Variants in GRM7 observed in about 807,000 individuals in gnomAD.
GRM7 encodes glutamate metabotropic receptor 7, also known as metabotropic glutamate receptor 7.
GRM7 carries 35 observed loss-of-function variants against 84.5 expected under a neutral mutation model. The observed-to-expected ratio is 0.41, with a 90% CI of 0.32 to 0.55. The LOEUF is 0.55. Among genes scored for constraint, GRM7 ranks in the 20% least tolerant of loss-of-function variants. The pLI is 0.19. For synonymous variants in GRM7, 487 were observed against 455.1 expected (o/e 1.07, Z -0.89); for missense variants, 1,003 against 1,194.6 (o/e 0.84, Z 2.36).
At chr3:7,570,379 C>T (rs983283648) in intron 7 of GRM7, among the ~76,000 whole-genome samples, 6 of 152,168 alleles carry the variant, frequency 3.9e-5, no homozygotes, top group African/African-American at 1.2e-4. Flanking sequence ...TTAGTTACTT[C>T]GTAGATACAA....
chr3:7,290,980 C>T (rs746200660), intron 2 of GRM7, among the ~76,000 whole-genome samples: 11 of 152,076 alleles, frequency 7.2e-5, no homozygotes, highest in African/African-American at 2.2e-4. Context: ...GGTGCTGTTC[C>T]AGTTTCTTTG....
intron 4 of GRM7, among the ~76,000 whole-genome samples, chr3:7,410,071 C>CA (rs1245973399): frequency 6.6e-6 from 1 of 152,060 alleles, no homozygotes; most frequent in African/African-American, 2.4e-5. Context: ...ACATACAGCT[C>CA]AAAAATGAGA....
intron 1 of GRM7, among the ~76,000 whole-genome samples, chr3:7,121,095 T>G (rs145276128): frequency 3.1e-3 from 470 of 152,292 alleles, no homozygotes; most frequent in Middle Eastern, 0.01. Context: ...TTTCAATAAT[T>G]GTTTGTTGAA....
chr3:7,670,729 A>T (rs1559477718), intron 8 of GRM7, among the ~76,000 whole-genome samples: 1 of 4,448 alleles, frequency 2.2e-4, no homozygotes, highest in African/African-American at 9.0e-4. Context: ...TTAATTCTTT[A>T]AACTACTGGG....
chr3:7,052,723 T>G (rs1007410121), intron 1 of GRM7, among the ~76,000 whole-genome samples: 1 of 149,764 alleles, frequency 6.7e-6, no homozygotes, highest in Non-Finnish European at 1.5e-5. Flanking sequence ...ATCGGTAGTT[T>G]TTTTTTTTTT....
At chr3:7,646,101 T>C (rs888126323) in intron 8 of GRM7, among the ~76,000 whole-genome samples, 1 of 152,252 alleles carries the variant, frequency 6.6e-6, no homozygotes, top group Non-Finnish European at 1.5e-5. Context: ...CTTGTGTCCA[T>C]GCAGGGCCCA....
chr3:6,968,207 C>G (rs1221348898), intron 1 of GRM7, among the ~76,000 whole-genome samples: 2 of 152,126 alleles, frequency 1.3e-5, no homozygotes, highest in African/African-American at 4.8e-5. Context: ...GATAGTCTCT[C>G]GGATTCCTCG....
At chr3:7,466,852 T>G (rs1429550245) in intron 7 of GRM7, among the ~76,000 whole-genome samples, 2 of 152,226 alleles carry the variant, frequency 1.3e-5, no homozygotes, top group Non-Finnish European at 2.9e-5. Context: ...TCTGGTGATT[T>G]GTTTTCTCTG....
intron 2 of GRM7, among the ~76,000 whole-genome samples, chr3:7,198,156 A>T (rs891073247): frequency 6.5e-5 from 4 of 61,376 alleles, no homozygotes. Context: ...ATAAAATGTT[A>T]AAAAAAAAAA....
intron 4 of GRM7, among the ~76,000 whole-genome samples, chr3:7,413,436 T>G (rs1575300350): frequency 1.3e-5 from 2 of 152,308 alleles, no homozygotes; most frequent in African/African-American, 4.8e-5. Context: ...ATAAACAGAC[T>G]CTTAGATCCT....
intron 6 of GRM7, among the ~76,000 whole-genome samples, chr3:7,459,737 C>T (rs1698163173): frequency 6.6e-6 from 1 of 152,088 alleles, no homozygotes; most frequent in South Asian, 2.1e-4. Flanking sequence ...AGCTACAATT[C>T]AAGATGAGAT....
At chr3:7,011,958 A>G (rs1048668096) in intron 1 of GRM7, among the ~76,000 whole-genome samples, 1 of 152,178 alleles carries the variant, frequency 6.6e-6, no homozygotes. Context: ...GAAGGTTCCT[A>G]GAAGAGAGTG....
chr3:7,259,953 G>GTTGTTTTTTTT (rs1553638860), intron 2 of GRM7, among the ~76,000 whole-genome samples: 3 of 89,660 alleles, frequency 3.3e-5, no homozygotes, highest in East Asian at 3.4e-4. Flanking sequence ...ACCAGCATCT[G>GTTGTTTTTTTT]TTTTTTTTTT....
intron 1 of GRM7, among the ~76,000 whole-genome samples, chr3:6,865,863 A>G (rs545628494): frequency 6.6e-6 from 1 of 151,230 alleles, no homozygotes; most frequent in African/African-American, 2.4e-5. Flanking sequence ...TTTAACCTAC[A>G]CTTTTTATAA....
intron 2 of GRM7, among the ~76,000 whole-genome samples, chr3:7,257,185 C>T (rs1395858041): frequency 1.3e-5 from 2 of 152,048 alleles, no homozygotes; most frequent in Non-Finnish European, 2.9e-5. Flanking sequence ...GGTGAGGGAC[C>T]TTATAAGAAG....
intron 4 of GRM7, among the ~76,000 whole-genome samples, chr3:7,396,451 C>G (rs1303617880): frequency 2.6e-4 from 39 of 152,012 alleles, no homozygotes; most frequent in Non-Finnish European, 5.9e-5. Flanking sequence ...GTTAGCCTAC[C>G]CTAAAATTCA....
chr3:7,571,831 T>C (rs1000572658), intron 7 of GRM7, among the ~76,000 whole-genome samples: 9 of 152,172 alleles, frequency 5.9e-5, no homozygotes, highest in African/African-American at 2.2e-4. Context: ...AAGAGATTTA[T>C]TGGACTCACA....
chr3:7,303,174 T>G (rs1013945136), intron 3 of GRM7, among the ~76,000 whole-genome samples: 7 of 152,156 alleles, frequency 4.6e-5, no homozygotes, highest in African/African-American at 1.7e-4. Flanking sequence ...TCTCCTGACC[T>G]TGTGATCCAC....
At chr3:6,952,496 C>T (rs889032509) in intron 1 of GRM7, among the ~76,000 whole-genome samples, 1 of 152,166 alleles carries the variant, frequency 6.6e-6, no homozygotes, top group Non-Finnish European at 1.5e-5. Context: ...GCAGTAATCT[C>T]TCCAGTTGCC....
Sources: allele counts gnomAD v4.1 joint callset (sites outside exome capture counted in the v4.1 genomes callset), GRCh38; gene constraint gnomAD v4.1.1; transcripts MANE v1.5; gene names NCBI Gene and HGNC (gene_info 2026-07-23, HGNC 2026-07-21).